The following SCN8A variants were observed in gnomAD, a reference collection of about 807,000 sequenced individuals.
SCN8A encodes the protein sodium voltage-gated channel alpha subunit 8.
SCN8A carries 30 observed loss-of-function variants against 184.1 expected under a neutral mutation model. That is an observed-to-expected ratio of 0.16 (90% CI 0.12 to 0.22). The LOEUF is 0.22. SCN8A is among the 10% of genes least tolerant of loss of function. The probability of loss-of-function intolerance (pLI) is 1.00; values close to 1 mark genes in which losing one functional copy is unlikely to be tolerated. For missense variants in SCN8A, 1,057 were observed against 2,498.9 expected, an observed-to-expected ratio of 0.42 and a Z score of 12.30; for synonymous variants, 852 against 907.0, an observed-to-expected ratio of 0.94 and a Z score of 1.09.
At chr12:51,778,010 C>T (rs561504472) in intron 20 of SCN8A, among the ~76,000 whole-genome samples, 39 of 152,078 alleles carry the variant, frequency 2.6e-4, no homozygotes, top group Non-Finnish European at 4.7e-4. Flanking sequence ...AAGTAGATAC[C>T]TCCATATAAA....
At chr12:51,645,550 G>T (rs1038881432) in intron 1 of SCN8A, among the ~76,000 whole-genome samples, 2 of 152,130 alleles carry the variant, frequency 1.3e-5, no homozygotes, top group Admixed American at 1.3e-4. Flanking sequence ...GAAATCGGAT[G>T]GTTGCCGTGT....
chr12:51,692,510 G>C (rs946573317), intron 6 of SCN8A, among the ~76,000 whole-genome samples: 1 of 152,100 alleles, frequency 6.6e-6, no homozygotes, highest in African/African-American at 2.4e-5. Context: ...TATGCTTTCC[G>C]TTTTGCTCCA....
intron 15 of SCN8A, among the ~76,000 whole-genome samples, chr12:51,762,996 A>G (rs1288449837): frequency 6.6e-6 from 1 of 152,190 alleles, no homozygotes; most frequent in Admixed American, 6.5e-5. Flanking sequence ...AACTCCCCCA[A>G]GGCCCAGTGT....
intron 13 of SCN8A, among the ~76,000 whole-genome samples, chr12:51,750,917 G>C (rs1030902920): frequency 3.9e-5 from 6 of 152,262 alleles, no homozygotes; most frequent in African/African-American, 1.4e-4. Context: ...ATACTATAGT[G>C]ACTGCTTTAC....
intron 9 of SCN8A, 92 bp from the exon 10 acceptor site, chr12:51,705,325 T>C (rs1941764691): frequency 1.7e-6 from 2 of 1,151,326 alleles, no homozygotes; most frequent in Non-Finnish European, 2.5e-6. Context: ...AAAATGCAAA[T>C]AGTGCCCTTA....
chr12:51,773,575 C>T (rs1942962797), intron 19 of SCN8A, among the ~76,000 whole-genome samples: 1 of 152,178 alleles, frequency 6.6e-6, no homozygotes, highest in Admixed American at 6.5e-5. Flanking sequence ...TGAAATGATG[C>T]AACCACTTTG....
intron 1 of SCN8A, among the ~76,000 whole-genome samples, chr12:51,592,612 G>A (rs549522587): frequency 7.9e-5 from 12 of 151,896 alleles, no homozygotes; most frequent in Non-Finnish European, 1.8e-4. Flanking sequence ...TAAAGTCAGG[G>A]GGAGGGAGAA....
intron 1 of SCN8A, 124 bp from the exon 2 acceptor site, chr12:51,662,640 A>G (rs1380664289): frequency 9.5e-6 from 6 of 629,066 alleles, no homozygotes; most frequent in Non-Finnish European, 1.4e-5. Flanking sequence ...TAAGCATGTC[A>G]TGGAAGAAAC....
intron 13 of SCN8A, among the ~76,000 whole-genome samples, chr12:51,746,794 C>T (rs1942518022): frequency 6.6e-6 from 1 of 152,182 alleles, no homozygotes; most frequent in South Asian, 2.1e-4. Context: ...CAGTTATGGT[C>T]TGTAGTCCAG....
At chr12:51,791,617 T>C (rs1460341046) in intron 25 of SCN8A, among the ~76,000 whole-genome samples, 1 of 152,250 alleles carries the variant, frequency 6.6e-6, no homozygotes, top group Non-Finnish European at 1.5e-5. Context: ...TCTAAAGTTC[T>C]GTTTAGTACT....
At chr12:51,725,782 T>A (rs1404682028) in intron 12 of SCN8A, among the ~76,000 whole-genome samples, 2 of 152,248 alleles carry the variant, frequency 1.3e-5, no homozygotes, top group African/African-American at 4.8e-5. Context: ...TTCTAATTGC[T>A]TAATATCTCT....
At chr12:51,795,889 A>C (rs1938392117) in intron 26 of SCN8A, among the ~76,000 whole-genome samples, 1 of 151,794 alleles carries the variant, frequency 6.6e-6, no homozygotes, top group African/African-American at 2.4e-5. Context: ...TGAAAAAAAA[A>C]AAAAAAAATG....
At chr12:51,761,479 A>G (rs1446251032) in intron 14 of SCN8A, among the ~76,000 whole-genome samples, 2 of 150,296 alleles carry the variant, frequency 1.3e-5, no homozygotes, top group Non-Finnish European at 1.5e-5. Context: ...TTATTTATTT[A>G]TTATTATTTA....
chr12:51,789,624 A>AC (rs1304064757), intron 24 of SCN8A, among the ~76,000 whole-genome samples: 1 of 152,176 alleles, frequency 6.6e-6, no homozygotes, highest in East Asian at 1.9e-4. Flanking sequence ...TACCACACTT[A>AC]CTAGCAGTCT....
At chr12:51,670,899 A>G (rs1254312306) in intron 2 of SCN8A, among the ~76,000 whole-genome samples, 2 of 152,198 alleles carry the variant, frequency 1.3e-5, no homozygotes, top group East Asian at 3.8e-4. Flanking sequence ...TGCCCTTGGG[A>G]ACAAAACAGA....
At chr12:51,659,655 G>T (rs950164873) in intron 1 of SCN8A, among the ~76,000 whole-genome samples, 1 of 152,144 alleles carries the variant, frequency 6.6e-6, no homozygotes. Flanking sequence ...GATTTTTAGG[G>T]AAATGGATCC....
At chr12:51,655,034 G>A (rs937603535) in intron 1 of SCN8A, among the ~76,000 whole-genome samples, 3 of 152,076 alleles carry the variant, frequency 2.0e-5, no homozygotes, top group African/African-American at 7.2e-5. Flanking sequence ...CAAGTAGTTT[G>A]GATTACAGGC....
chr12:51,736,611 A>G (rs1162651440), intron 12 of SCN8A, among the ~76,000 whole-genome samples: 1 of 152,226 alleles, frequency 6.6e-6, no homozygotes, highest in East Asian at 1.9e-4. Flanking sequence ...CTAGGCCATC[A>G]GCCATTTAAT....
chr12:51,741,682 G>C (rs2138820608), intron 12 of SCN8A, among the ~76,000 whole-genome samples: 1 of 152,052 alleles, frequency 6.6e-6, no homozygotes, highest in African/African-American at 2.4e-5. Flanking sequence ...TATTATTAAT[G>C]TCTCATAATC....
Sources: allele counts gnomAD v4.1 joint callset (sites outside exome capture counted in the v4.1 genomes callset), GRCh38; gene constraint gnomAD v4.1.1; transcripts MANE v1.5; gene names NCBI Gene and HGNC (gene_info 2026-07-23, HGNC 2026-07-21).